Variants in OR51B5 observed in about 807,000 individuals in gnomAD.
OR51B5 encodes olfactory receptor family 51 subfamily B member 5.
For missense variants in OR51B5, 456 were observed against 374.6 expected, an observed-to-expected ratio of 1.22 and a Z score of -1.79; for synonymous variants, 186 against 144.8, an observed-to-expected ratio of 1.28 and a Z score of -2.04.
Position 5,422,849 on chromosome 11 carries a change from G to A in OR51B5, n.85-75939C>T, listed in dbSNP as rs200365005. On this transcript the variant is annotated intron_variant and non_coding_transcript_variant, in intron 1 of 4. Transcript: ENST00000415970. The stretch of plus-strand genomic sequence containing the variant: ...TATTATCGTGGATCCTCTGCTCATT[G>A]TGATCTCCTATACACTTATTCTGAA... 9.3e-6 allele frequency: 15 copies of A among 1,614,114 alleles called. No individual in the cohort carries two copies. In the Admixed American group the frequency reaches 2.3e-4, roughly 25 times the overall value.
intron 1 of OR51B5, among the ~76,000 whole-genome samples, chr11:5,495,077 C>G (rs979870249): frequency 2.6e-5 from 4 of 152,104 alleles, no homozygotes; most frequent in Admixed American, 6.6e-5. Context: ...TGCCAACTAC[C>G]CATAAACAAG....
chr11:5,439,797 A>C (rs1218835298), intron 1 of OR51B5, among the ~76,000 whole-genome samples: 3 of 152,170 alleles, frequency 2.0e-5, no homozygotes, highest in Non-Finnish European at 2.9e-5. Flanking sequence ...CAGAAAAGAG[A>C]AACATTGTCC....
At chr11:5,415,068 A>G (rs972947983) in intron 1 of OR51B5, among the ~76,000 whole-genome samples, 1 of 152,192 alleles carries the variant, frequency 6.6e-6, no homozygotes, top group African/African-American at 2.4e-5. Flanking sequence ...AAATTATAAC[A>G]AACTATCTCT....
intron 1 of OR51B5, chr11:5,441,309 G>C: frequency 6.2e-7 from 1 of 1,613,940 alleles, no homozygotes; most frequent in African/African-American, 1.3e-5. Context: ...ATCATTGAGA[G>C]CGAGCATAGA....
At chr11:5,500,354 T>C (rs540550752) in intron 1 of OR51B5, among the ~76,000 whole-genome samples, 1 of 152,312 alleles carries the variant, frequency 6.6e-6, no homozygotes, top group South Asian at 2.1e-4. Flanking sequence ...GAGAATCTGA[T>C]TTTCAGTTAA....
rs553511001 is a variant in OR51B5, at chr11:5,440,507, C to T, written n.84+65062G>A. ...TCCTCTTCATCCTTACTTTAGCATTCCTTAAGTTGTTAACATGTCCCAATC... is the reference window on the plus strand; with the variant it reads ...TCCTCTTCATCCTTACTTTAGCATTTCTTAAGTTGTTAACATGTCCCAATC... On this transcript the variant is annotated intron_variant and non_coding_transcript_variant, in intron 1 of 4. Transcript: ENST00000415970. 1.6e-4 allele frequency: 184 copies of T among 1,154,756 alleles called. 1 individual carries two copies. Among genetic ancestry groups the T allele is most frequent in the Non-Finnish European group, 2.2e-4 (172 of 790,788 alleles). The allele number at this position is 1,154,756 out of a possible 1,614,324, so 71.5% of individuals were successfully genotyped here.
intron 1 of OR51B5, among the ~76,000 whole-genome samples, chr11:5,491,474 G>A (rs80014952): frequency 0.025 from 3,800 of 152,258 alleles, 152 homozygotes; most frequent in African/African-American, 0.086. Context: ...AATGATCAGA[G>A]GGGTGGAACA....
intron 1 of OR51B5, among the ~76,000 whole-genome samples, chr11:5,412,795 C>A (rs1373600824): frequency 7.9e-5 from 12 of 152,112 alleles, no homozygotes; most frequent in East Asian, 5.8e-4. Context: ...CGGGAAGCTC[C>A]AACTGGGTGG....
chr11:5,368,901 G>A (rs1174808612), intron 1 of OR51B5, among the ~76,000 whole-genome samples: 1 of 152,172 alleles, frequency 6.6e-6, no homozygotes, highest in Non-Finnish European at 1.5e-5. Flanking sequence ...TTCTGAGGAT[G>A]TTGGAAGCCT....
At chr11:5,501,030 T>C (rs1265585761) in intron 1 of OR51B5, among the ~76,000 whole-genome samples, 1 of 148,262 alleles carries the variant, frequency 6.7e-6, no homozygotes, top group Non-Finnish European at 1.5e-5. Context: ...CATAAATACC[T>C]GTTGGAGATT....
chr11:5,351,647 T>C, intron 1 of OR51B5: 1 of 1,614,122 alleles, frequency 6.2e-7, no homozygotes, highest in East Asian at 2.2e-5. Flanking sequence ...CTCTTTCTCA[T>C]CAGGAATGAT....
intron 1 of OR51B5, among the ~76,000 whole-genome samples, chr11:5,471,428 G>T (rs945458275): frequency 2.0e-5 from 3 of 152,020 alleles, no homozygotes; most frequent in Non-Finnish European, 2.9e-5. Context: ...ACGAGGTCAG[G>T]AGTTTGAGAC....
At chr11:5,375,024 A>G (rs377733660) in intron 1 of OR51B5, among the ~76,000 whole-genome samples, 39,942 of 150,246 alleles carry the variant, frequency 0.27, 5,533 homozygotes, top group African/African-American at 0.32. Flanking sequence ...TCCAAGACAC[A>G]TAATTGTCAG....
At chr11:5,471,007 TA>T (rs1284689233) in intron 1 of OR51B5, among the ~76,000 whole-genome samples, 1 of 152,200 alleles carries the variant, frequency 6.6e-6, no homozygotes, top group African/African-American at 2.4e-5. Flanking sequence ...TTCAAGTCCT[TA>T]CCATGGATCA....
intron 1 of OR51B5, chr11:5,393,227 G>A (rs914762663): frequency 2.6e-5 from 4 of 152,034 alleles, no homozygotes; most frequent in African/African-American, 9.7e-5. Context: ...TTTAATAAGT[G>A]AATATTATAA....
intron 1 of OR51B5, among the ~76,000 whole-genome samples, chr11:5,356,430 A>C: frequency 2.0e-5 from 3 of 149,716 alleles, no homozygotes; most frequent in South Asian, 2.1e-4. Context: ...TAGAGAAAAA[A>C]GAATAAAAAG....
intron 1 of OR51B5, among the ~76,000 whole-genome samples, chr11:5,385,727 TATCTA>T (rs1288067981): frequency 2.1e-5 from 3 of 145,732 alleles, no homozygotes. Context: ...TGTGTACAAA[TATCTA>T]ATATTTTTGT....
chr11:5,397,557 G>T (rs2133737299), intron 1 of OR51B5, among the ~76,000 whole-genome samples: 1 of 150,606 alleles, frequency 6.6e-6, no homozygotes, highest in African/African-American at 2.4e-5. Flanking sequence ...AACAACAGGT[G>T]CTGGAGAGGA....
chr11:5,356,853 A>G (rs1313200118), intron 1 of OR51B5, among the ~76,000 whole-genome samples: 3 of 137,160 alleles, frequency 2.2e-5, no homozygotes, highest in African/African-American at 5.5e-5. Context: ...TTTTCAACAC[A>G]GAATTTCATA....
Sources: gnomAD v4.1 joint callset for allele counts (sites outside exome capture counted in the v4.1 genomes callset) on GRCh38, gnomAD v4.1.1 for gene constraint, MANE v1.5 for transcripts, NCBI Gene and HGNC (gene_info 2026-07-23, HGNC 2026-07-21) for gene names.